GABRA2: variants seen among roughly 807,000 people sequenced by gnomAD.
The protein encoded by GABRA2 is gamma-aminobutyric acid receptor subunit alpha-2.
Under a neutral mutation model 48.7 loss-of-function variants are expected in GABRA2, and 16 were observed. The observed-to-expected ratio is 0.33, with a 90% CI of 0.22 to 0.50. GABRA2 has a LOEUF of 0.50. Among genes scored for constraint, GABRA2 ranks in the 20% least tolerant of loss-of-function variants. The probability of loss-of-function intolerance (pLI) is 0.98; values close to 1 mark genes in which losing one functional copy is unlikely to be tolerated. For synonymous variants in GABRA2, 185 were observed against 184.5 expected, an observed-to-expected ratio of 1.00 and a Z score of -0.02; for missense variants, 275 against 535.6, an observed-to-expected ratio of 0.51 and a Z score of 4.80.
intron 3 of GABRA2, among the ~76,000 whole-genome samples, chr4:46,361,453 G>A (rs1713172315): frequency 6.6e-6 from 1 of 152,200 alleles, no homozygotes; most frequent in Admixed American, 6.5e-5. Context: ...ATTGAAGTTT[G>A]GGAACCTCCG....
chr4:46,262,287 T>A (rs982710320), intron 8 of GABRA2, among the ~76,000 whole-genome samples, 159 bp from the exon 9 acceptor site: 2 of 152,126 alleles, frequency 1.3e-5, no homozygotes, highest in African/African-American at 4.8e-5. Context: ...TATATTAAAG[T>A]GTAAAGTTAA....
intron 4 of GABRA2, among the ~76,000 whole-genome samples, chr4:46,321,129 G>A (rs533639356): frequency 6.6e-6 from 1 of 152,006 alleles, no homozygotes; most frequent in South Asian, 2.1e-4. Flanking sequence ...AGACGCAGAA[G>A]GAAAATACTG....
At chr4:46,336,431 G>C (rs1001165627) in intron 3 of GABRA2, among the ~76,000 whole-genome samples, 3 of 152,162 alleles carry the variant, frequency 2.0e-5, no homozygotes, top group Non-Finnish European at 2.9e-5. Flanking sequence ...AGTCTGAACA[G>C]TTAAGCAGCT....
intron 3 of GABRA2, among the ~76,000 whole-genome samples, chr4:46,342,572 G>A (rs1219482364): frequency 3.9e-5 from 6 of 151,972 alleles, no homozygotes; most frequent in Non-Finnish European, 8.8e-5. Context: ...CATTAAACAT[G>A]CCTGATATTT....
chr4:46,271,659 AACAATTATGATCT>A (rs1719358812), intron 8 of GABRA2, among the ~76,000 whole-genome samples: 1 of 152,018 alleles, frequency 6.6e-6, no homozygotes, highest in African/African-American at 2.4e-5. Flanking sequence ...AGAATAAAGA[AACAATTATGATCT>A]AGAAGAAAAT....
chr4:46,388,950 C>G, intron 1 of GABRA2: 1 of 1,197,072 alleles, frequency 8.4e-7, no homozygotes, highest in Non-Finnish European at 1.0e-6. Context: ...TTCTTTCTTT[C>G]TTTAACAGCA....
In GABRA2 at chr4:46,377,965, G is replaced by A. The variant is rs1385958410; in HGVS notation, c.187+8109C>T. 1.4e-4 allele frequency among the ~76,000 whole-genome samples: 21 copies of A among 145,628 alleles called. No homozygotes were observed. The South Asian group carries it at 4.1e-3, about 28-fold the overall frequency. On this transcript the variant is annotated intron_variant, in intron 3 of 9. Transcript: ENST00000381620. ...GAGGAGCCCCTCTGCCCGGCCAGCC[G>A]CCCCATCCAGGAGGGAGGTGGGGGG... is the stretch of plus-strand genomic sequence containing the variant.
intron 8 of GABRA2, among the ~76,000 whole-genome samples, chr4:46,262,970 G>A (rs1393209621): frequency 6.8e-6 from 1 of 146,462 alleles, no homozygotes; most frequent in South Asian, 2.3e-4. Context: ...GAGAGAGAGA[G>A]AGAGAGAGGG....
intron 4 of GABRA2, among the ~76,000 whole-genome samples, chr4:46,316,554 G>T (rs1009610196): frequency 4.0e-5 from 6 of 151,888 alleles, no homozygotes; most frequent in Non-Finnish European, 8.8e-5. Context: ...AAAATAACAA[G>T]ATATTTTTAA....
At chr4:46,352,104 C>T (rs976187904) in intron 3 of GABRA2, among the ~76,000 whole-genome samples, 1 of 151,862 alleles carries the variant, frequency 6.6e-6, no homozygotes, top group African/African-American at 2.4e-5. Context: ...TCAAAGAATT[C>T]GCCCCATGTT....
chr4:46,262,956 AAGAGAG>A (rs889064929), intron 8 of GABRA2, among the ~76,000 whole-genome samples: 22 of 30,958 alleles, frequency 7.1e-4, no homozygotes, highest in East Asian at 4.4e-3. Flanking sequence ...GAAAGAAAGA[AAGAGAG>A]AGAGAGAGAG....
chr4:46,266,714 TTC>T (rs1247840063), intron 8 of GABRA2, among the ~76,000 whole-genome samples: 13 of 138,924 alleles, frequency 9.4e-5, no homozygotes, highest in African/African-American at 3.1e-4. Flanking sequence ...TCTTCAAATA[TTC>T]TCTTTTTTTT....
At chr4:46,335,876 T>G (rs1732142970) in intron 3 of GABRA2, among the ~76,000 whole-genome samples, 1 of 152,164 alleles carries the variant, frequency 6.6e-6, no homozygotes, top group Non-Finnish European at 1.5e-5. Flanking sequence ...TGCATTTAAG[T>G]CTCAGTTTAA....
intron 3 of GABRA2, among the ~76,000 whole-genome samples, chr4:46,363,018 T>A (rs1035278474): frequency 6.6e-6 from 1 of 152,182 alleles, no homozygotes; most frequent in Non-Finnish European, 1.5e-5. Context: ...AAACAGTTTC[T>A]ACCCCCTTGC....
chr4:46,312,483 C>A lies in GABRA2; in HGVS notation c.476+13G>T. On this transcript the variant is annotated intron_variant, in intron 5 of 9. Transcript: ENST00000381620. ...CAGTATATAAATACATCACATCAAACCTAAAAACATACCTCATGGTATACA... is the reference window on the plus strand; with the variant it reads ...CAGTATATAAATACATCACATCAAAACTAAAAACATACCTCATGGTATACA... The A allele has an allele frequency of 6.4e-7, 1 of 1,570,036 alleles. No homozygotes were observed. The highest frequency in any genetic ancestry group is 8.7e-7 in the Non-Finnish European group (1 of 1,143,620).
intron 4 of GABRA2, among the ~76,000 whole-genome samples, chr4:46,326,602 A>AT (rs369797769): frequency 3.4e-5 from 5 of 148,556 alleles, no homozygotes; most frequent in Non-Finnish European, 7.4e-5. Context: ...CTCTTCTTCC[A>AT]TTTTTTTGTC....
chr4:46,390,055 CGGGGGGGGAAATT>C lies in GABRA2; in HGVS notation c.-344_-332del. The C allele has an allele frequency of 3.0e-6, 1 of 335,336 alleles. No individual in the cohort carries two copies. Among genetic ancestry groups the C allele is most frequent in the Non-Finnish European group, 3.7e-6 (1 of 268,290 alleles). 20.8% of individuals were successfully genotyped at this position (335,336 alleles called of 1,614,324 possible). A position where few individuals can be genotyped will look rare whatever the true frequency, so the allele number is the denominator to read the frequency against. On this transcript the variant is annotated 5_prime_UTR_variant, in exon 1 of 10. Coordinates refer to ENST00000381620, the MANE Select transcript of GABRA2 (RefSeq NM_000807.4). ...GGAAAACGATGACAGGAGCTGGGGC[CGGGGGGGGAAATT>C]GGGGGGACGCGGGCGGAGGCGCGGT...
chr4:46,258,103 G>A (rs928320471), intron 9 of GABRA2, among the ~76,000 whole-genome samples: 7 of 151,720 alleles, frequency 4.6e-5, no homozygotes, highest in African/African-American at 1.2e-4. Context: ...AAAAGGTATG[G>A]TGTATAGTTA....
chr4:46,377,150 C>T (rs1292377137), intron 3 of GABRA2, among the ~76,000 whole-genome samples: 3 of 152,070 alleles, frequency 2.0e-5, no homozygotes, highest in South Asian at 4.1e-4. Flanking sequence ...CTCTGCCCGG[C>T]CGCCACCCCG....
Sources: allele counts gnomAD v4.1 joint callset (sites outside exome capture counted in the v4.1 genomes callset), GRCh38; gene constraint gnomAD v4.1.1; transcripts MANE v1.5; gene names NCBI Gene and HGNC (gene_info 2026-07-23, HGNC 2026-07-21).